DLGAP1: variants seen among roughly 807,000 people sequenced by gnomAD.
DLGAP1 encodes DLG associated protein 1, also known as disks large-associated protein 1.
DLGAP1 carries 11 observed loss-of-function variants against 90.8 expected under a neutral mutation model. That is an observed-to-expected ratio of 0.12 (90% CI 0.08 to 0.20). The LOEUF (loss-of-function observed/expected upper bound fraction) is 0.20. Among genes scored for constraint, DLGAP1 ranks in the 10% least tolerant of loss-of-function variants. The pLI, the probability that DLGAP1 is intolerant of heterozygous loss-of-function variation, is 1.00. For synonymous variants in DLGAP1, 558 were observed against 540.7 expected (o/e 1.03, Z -0.44); for missense variants, 1,050 against 1,333.8 (o/e 0.79, Z 3.31).
Position 4,392,416 on chromosome 18 carries a change from G to C in DLGAP1, c.-267+62590C>G, listed in dbSNP as rs140224172. Among the ~76,000 whole-genome samples, 16 of 152,134 alleles carry C rather than the reference G, an allele frequency of 1.1e-4. No homozygotes were observed. The East Asian group carries it at 3.1e-3, about 29-fold the overall frequency. On this transcript the variant is annotated intron_variant, in intron 1 of 12. Coordinates refer to ENST00000315677, the MANE Select transcript of DLGAP1 (RefSeq NM_004746.4). Reference sequence around the variant, plus strand: ...CCATGAAAGGTTAACAAAGTTCTAGGGGTCCTCATTATAGACCATTTAATA... The same window carrying C: ...CCATGAAAGGTTAACAAAGTTCTAGCGGTCCTCATTATAGACCATTTAATA...
At chr18:3,951,230 C>T (rs889659829) in intron 3 of DLGAP1, among the ~76,000 whole-genome samples, 5 of 152,310 alleles carry the variant, frequency 3.3e-5, no homozygotes, top group South Asian at 4.1e-4. Flanking sequence ...AGTGGTTTTG[C>T]AGTGGTTCTG....
chr18:3,868,396 A>G (rs904878238), intron 4 of DLGAP1, among the ~76,000 whole-genome samples: 2 of 152,178 alleles, frequency 1.3e-5, no homozygotes, highest in Admixed American at 1.3e-4. Context: ...TTTAAAAGGA[A>G]AAGTCCTGTA....
At chr18:4,405,794 ACTAGCTTCAGAGAAT>A (rs1320523834) in intron 1 of DLGAP1, among the ~76,000 whole-genome samples, 3 of 152,190 alleles carry the variant, frequency 2.0e-5, no homozygotes, top group Non-Finnish European at 2.9e-5. Flanking sequence ...GGGGCTCCAA[ACTAGCTTCAGAGAAT>A]AGACTTGCTA....
intron 1 of DLGAP1, among the ~76,000 whole-genome samples, chr18:4,221,781 A>C (rs1171006679): frequency 6.6e-6 from 1 of 151,992 alleles, no homozygotes; most frequent in Non-Finnish European, 1.5e-5. Context: ...CTCCCTCCCC[A>C]TTACTACTCA....
intron 1 of DLGAP1, among the ~76,000 whole-genome samples, chr18:4,250,445 T>G (rs2078757094): frequency 6.6e-6 from 1 of 152,228 alleles, no homozygotes; most frequent in East Asian, 1.9e-4. Context: ...AAAGTCCTGA[T>G]GCCAACAATT....
At chr18:3,888,991 T>C (rs2071392329) in intron 3 of DLGAP1, among the ~76,000 whole-genome samples, 1 of 152,098 alleles carries the variant, frequency 6.6e-6, no homozygotes, top group African/African-American at 2.4e-5. Flanking sequence ...TGTGGTTACC[T>C]TAACCAGCCA....
At chr18:4,204,039 T>A (rs1207076289) in intron 1 of DLGAP1, among the ~76,000 whole-genome samples, 1 of 152,236 alleles carries the variant, frequency 6.6e-6, no homozygotes. Context: ...ACATGGTCCA[T>A]AATTTTAAAT....
At chr18:3,807,478 C>A (rs2066620923) in intron 5 of DLGAP1, among the ~76,000 whole-genome samples, 1 of 152,040 alleles carries the variant, frequency 6.6e-6, no homozygotes, top group Non-Finnish European at 1.5e-5. Flanking sequence ...GTAAAATGGG[C>A]AAAATTGCAT....
At chr18:4,301,516 T>C (rs1327452902) in intron 1 of DLGAP1, among the ~76,000 whole-genome samples, 1 of 152,218 alleles carries the variant, frequency 6.6e-6, no homozygotes, top group East Asian at 1.9e-4. Flanking sequence ...TGTATATATA[T>C]ATCACAATTT....
intron 1 of DLGAP1, among the ~76,000 whole-genome samples, chr18:4,227,600 G>T (rs949271045): frequency 6.6e-6 from 1 of 151,808 alleles, no homozygotes; most frequent in Admixed American, 6.6e-5. Context: ...CAAATGATTA[G>T]TAAGTGGGTG....
intron 1 of DLGAP1, among the ~76,000 whole-genome samples, chr18:4,195,662 C>T (rs1481654968): frequency 6.6e-6 from 1 of 152,124 alleles, no homozygotes; most frequent in Non-Finnish European, 1.5e-5. Context: ...AGAGAATCTC[C>T]TGCCTCAGCC....
At chr18:3,980,062 G>A (rs1422170711) in intron 3 of DLGAP1, among the ~76,000 whole-genome samples, 1 of 152,108 alleles carries the variant, frequency 6.6e-6, no homozygotes, top group Non-Finnish European at 1.5e-5. Context: ...CTTTTACGTG[G>A]GAGGTGGTTG....
chr18:4,048,956 G>A (rs1413005493), intron 2 of DLGAP1, among the ~76,000 whole-genome samples: 1 of 152,162 alleles, frequency 6.6e-6, no homozygotes, highest in African/African-American at 2.4e-5. Context: ...GCTGGGCACA[G>A]TGGTGCACAC....
chr18:3,678,520 A>T (rs2060394555), intron 7 of DLGAP1, among the ~76,000 whole-genome samples: 2 of 152,064 alleles, frequency 1.3e-5, no homozygotes, highest in South Asian at 4.1e-4. Context: ...TTATCTTCCT[A>T]ATAGGCTGAA....
intron 7 of DLGAP1, among the ~76,000 whole-genome samples, chr18:3,696,935 G>A (rs1044841099): frequency 6.6e-6 from 1 of 152,150 alleles, no homozygotes; most frequent in African/African-American, 2.4e-5. Flanking sequence ...GAGGATGTAT[G>A]TGTCTAGGAA....
intron 7 of DLGAP1, among the ~76,000 whole-genome samples, chr18:3,627,422 CA>C (rs1936937959): frequency 7.1e-6 from 1 of 141,650 alleles, no homozygotes; most frequent in South Asian, 2.1e-4. Context: ...TTCCTTCGTA[CA>C]GTTCCATGAG....
rs377601798 is a variant in DLGAP1 at position 4,397,133 on chromosome 18, T to G, written c.-267+57873A>C. 2.4e-4 allele frequency among the ~76,000 whole-genome samples: 36 copies of G among 152,288 alleles called. No homozygotes were observed. In the East Asian group the frequency reaches 6.2e-3, roughly 26 times the overall value. On this transcript the variant is annotated intron_variant, in intron 1 of 12. Transcript: ENST00000315677. ...CAGGCATGATAAAGTATCTCCACCA[T>G]AGGGTAGTTGGGAGAAGTAAATAAA... is the stretch of plus-strand genomic sequence containing the variant.
At chr18:4,018,224 C>T (rs776197285) in intron 2 of DLGAP1, among the ~76,000 whole-genome samples, 71 of 152,176 alleles carry the variant, frequency 4.7e-4, no homozygotes, top group Admixed American at 5.2e-4. Context: ...TGGGCAAAAC[C>T]ACTATGACAG....
intron 4 of DLGAP1, among the ~76,000 whole-genome samples, chr18:3,857,372 G>A (rs975094173): frequency 1.3e-5 from 2 of 151,886 alleles, no homozygotes; most frequent in African/African-American, 2.4e-5. Flanking sequence ...TTCTAGCCAT[G>A]GTGTATTTAC....
Sources: gnomAD v4.1 joint callset for allele counts (sites outside exome capture counted in the v4.1 genomes callset) on GRCh38, gnomAD v4.1.1 for gene constraint, MANE v1.5 for transcripts, NCBI Gene and HGNC (gene_info 2026-07-23, HGNC 2026-07-21) for gene names.